The following MAPKAPK2 variants were observed in gnomAD, a reference collection of about 807,000 sequenced individuals.
The protein encoded by MAPKAPK2 is MAP kinase-activated protein kinase 2.
In MAPKAPK2, 9 loss-of-function variants were observed where a neutral mutation model predicts 48.8. The observed-to-expected ratio is 0.18, with a 90% CI of 0.11 to 0.32. The LOEUF (loss-of-function observed/expected upper bound fraction) is 0.32. Among genes scored for constraint, MAPKAPK2 ranks in the 10% least tolerant of loss-of-function variants. MAPKAPK2 has a pLI of 1.00. For synonymous variants in MAPKAPK2, 202 were observed against 190.6 expected (o/e 1.06, Z -0.49); for missense variants, 331 against 498.3 (o/e 0.66, Z 3.20).
chr1:206,732,295 G>C lies in MAPKAPK2; in HGVS notation c.1060-280G>C. 1 of 1,448,142 alleles carries C rather than the reference G, an allele frequency of 6.9e-7. No homozygotes were observed. The highest frequency in any genetic ancestry group is 1.5e-5 in the South Asian group (1 of 67,576). The allele number at this position is 1,448,142 out of a possible 1,614,324, so 89.7% of individuals were successfully genotyped here. ...GGGGCAGACCGGACCCAGGTTTCCT[G>C]ACTCCTGGCCCAAGTCTCTTCCTCC... is the stretch of plus-strand genomic sequence containing the variant. On this transcript the variant is annotated intron_variant, in intron 9 of 9. Coordinates refer to ENST00000367103, the MANE Select transcript of MAPKAPK2 (RefSeq NM_032960.4). The surrounding 1 kb of genome is among the most constrained non-coding windows in gnomAD (Gnocchi z 4.4).
At chr1:206,713,519 A>G (rs1400714363) in intron 1 of MAPKAPK2, among the ~76,000 whole-genome samples, 1 of 152,190 alleles carries the variant, frequency 6.6e-6, no homozygotes, top group East Asian at 1.9e-4. Context: ...TCAGCATGTG[A>G]CCCAAGATGT....
chr1:206,729,966 C>G lies in MAPKAPK2; in HGVS notation c.565-6C>G, dbSNP rs1673847596. On this transcript the variant is annotated splice_region_variant and splice_polypyrimidine_tract_variant and intron_variant, in intron 4 of 9. Transcript: ENST00000367103. ...GGTTGCTATTTTTCTGTCTCTCTTT[C>G]TGTAGCCTGAGAATCTCTTATACAC... The G allele has an allele frequency of 1.2e-6, 2 of 1,614,114 alleles. No individual in the cohort carries two copies. Among genetic ancestry groups the G allele is most frequent in the Admixed American group, 3.3e-5 (2 of 60,012 alleles).
intron 1 of MAPKAPK2, among the ~76,000 whole-genome samples, chr1:206,721,356 ATTTC>A (rs1220893001): frequency 6.6e-6 from 1 of 152,198 alleles, no homozygotes; most frequent in Non-Finnish European, 1.5e-5. Context: ...AGTCTCAGGT[ATTTC>A]TTAATAGCAA....
intron 5 of MAPKAPK2, 100 bp from the exon 6 acceptor site, chr1:206,730,588 T>G: frequency 9.7e-7 from 1 of 1,028,048 alleles, no homozygotes; most frequent in South Asian, 1.3e-5. Context: ...CACCTCATGA[T>G]AGGCTGAAAG....
At chr1:206,717,648 C>T (rs1553430570) in intron 1 of MAPKAPK2, among the ~76,000 whole-genome samples, 1 of 152,188 alleles carries the variant, frequency 6.6e-6, no homozygotes, top group Non-Finnish European at 1.5e-5. Flanking sequence ...TCTCTTCCTC[C>T]TGTGGCCAGT....
At position 206,732,547 on chromosome 1, in the gene MAPKAPK2, A is replaced by G. The variant is rs1198113200; in HGVS notation, c.1060-28A>G. On this transcript the variant is annotated intron_variant, in intron 9 of 9. Transcript: ENST00000367103. This position sits in a 1 kb window ranked among gnomAD's most constrained non-coding sequence, Gnocchi z 4.4. ...CTACCTGTCTTCTGGCTCTCTCTGTACCCTTCCTGGTGCTGCCGTGCCCCC... is the reference window on the plus strand; with the variant it reads ...CTACCTGTCTTCTGGCTCTCTCTGTGCCCTTCCTGGTGCTGCCGTGCCCCC... 3 of 1,612,030 alleles carry G rather than the reference A, an allele frequency of 1.9e-6. No individual in the cohort carries two copies. The highest frequency in any genetic ancestry group is 2.5e-6 in the Non-Finnish European group (3 of 1,179,402).
rs145221925 is a variant in MAPKAPK2 at position 206,732,565 on chromosome 1, G to A, written c.1060-10G>A. The stretch of plus-strand genomic sequence containing the variant: ...TCTCTGTACCCTTCCTGGTGCTGCC[G>A]TGCCCCCAGGAGGAGATGACCAGTG... On this transcript the variant is annotated splice_polypyrimidine_tract_variant and intron_variant, in intron 9 of 9. Coordinates refer to ENST00000367103, the MANE Select transcript of MAPKAPK2 (RefSeq NM_032960.4). This position sits in a 1 kb window ranked among gnomAD's most constrained non-coding sequence, Gnocchi z 4.4. 3,240 of 1,613,448 alleles carry A rather than the reference G, an allele frequency of 2.0e-3. 36 individuals carry two copies. In the Middle Eastern group the frequency reaches 0.037, roughly 19 times the overall value.
intron 1 of MAPKAPK2, among the ~76,000 whole-genome samples, chr1:206,726,476 T>C (rs1237959876): frequency 6.6e-6 from 1 of 152,246 alleles, no homozygotes; most frequent in Non-Finnish European, 1.5e-5. Flanking sequence ...CAGTGTGACC[T>C]CCTGGGAACC....
chr1:206,708,963 T>A (rs1170632803), intron 1 of MAPKAPK2, among the ~76,000 whole-genome samples: 1 of 152,248 alleles, frequency 6.6e-6, no homozygotes, highest in East Asian at 1.9e-4. Flanking sequence ...TGTATAGATA[T>A]GATAAAATTT....
At chr1:206,729,769 C>G (rs1673839311) in intron 4 of MAPKAPK2, among the ~76,000 whole-genome samples, 1 of 152,260 alleles carries the variant, frequency 6.6e-6, no homozygotes. Flanking sequence ...GTGTGTCAGT[C>G]TGTTATCTCC....
intron 1 of MAPKAPK2, among the ~76,000 whole-genome samples, chr1:206,690,331 A>G (rs1302285122): frequency 1.3e-5 from 2 of 152,200 alleles, no homozygotes; most frequent in East Asian, 1.9e-4. Context: ...GCAAGATTGA[A>G]GCTGGGTCAG....
intron 1 of MAPKAPK2, among the ~76,000 whole-genome samples, chr1:206,702,722 C>T (rs1232462371): frequency 2.0e-5 from 3 of 152,214 alleles, no homozygotes; most frequent in South Asian, 2.1e-4. Context: ...AACTCCTGAA[C>T]GTGGCATTCA....
chr1:206,701,983 T>A (rs1275851295), intron 1 of MAPKAPK2, among the ~76,000 whole-genome samples: 1 of 152,046 alleles, frequency 6.6e-6, no homozygotes, highest in Non-Finnish European at 1.5e-5. Context: ...TGGGCACCAC[T>A]CTTTGTGTCT....
At position 206,732,798 on chromosome 1, in the gene MAPKAPK2, T is replaced by C; in HGVS notation, c.*80T>C. The C allele has an allele frequency of 6.8e-7, 1 of 1,474,470 alleles. No homozygotes were observed. Among genetic ancestry groups the C allele is most frequent in the Middle Eastern group, 1.8e-4 (1 of 5,480 alleles). The allele number at this position is 1,474,470 out of a possible 1,614,324, so 91.3% of individuals were successfully genotyped here. ...TATTTTTTAAACGAAGAGACAGAAC[T>C]GTCCACATCTGCCTCCTCTCCTCCT... On this transcript the variant is annotated 3_prime_UTR_variant, in exon 10 of 10. Transcript: ENST00000367103. This position sits in a 1 kb window ranked among gnomAD's most constrained non-coding sequence, Gnocchi z 4.4.
In MAPKAPK2 at chr1:206,730,083, A is replaced by C; in HGVS notation, c.676A>C (p.Thr226Pro). 1 of 1,614,218 alleles carries C rather than the reference A, an allele frequency of 6.2e-7. No individual in the cohort carries two copies. ...SHNSLTTPCY[T>P]PYYVAPEVLG... is the part of the protein sequence containing the mutation. ...CAACTCTTTGACCACTCCTTGTTAT[A>C]CACCGTACTATGTGGGTAAGTCCAC... The change falls in exon 5 of 10, where the codon ACA becomes CCA. Residue 226 changes from threonine to proline, a missense_variant. This residue lies in a region of MAPKAPK2 where 111 missense variants were observed against 193.6 expected (regional missense o/e 0.57). Transcript: ENST00000367103.
intron 3 of MAPKAPK2, 113 bp downstream of exon 3, chr1:206,729,212 C>A: frequency 8.1e-7 from 1 of 1,237,404 alleles, no homozygotes; most frequent in Non-Finnish European, 1.2e-6. Flanking sequence ...CTGCCCCCTC[C>A]AGCATGCTGC....
chr1:206,696,131 GA>G (rs1213588920), intron 1 of MAPKAPK2: 1 of 1,546,276 alleles, frequency 6.5e-7, no homozygotes, highest in African/African-American at 1.4e-5. Context: ...TTGCCAGAAA[GA>G]TCAGTGACAT....
At chr1:206,722,901 G>A (rs938673031) in intron 1 of MAPKAPK2, among the ~76,000 whole-genome samples, 1 of 152,132 alleles carries the variant, frequency 6.6e-6, no homozygotes, top group Non-Finnish European at 1.5e-5. Flanking sequence ...GAACCAGAGT[G>A]GGTGGCCCTG....
rs1416181828 is a variant in MAPKAPK2, at chr1:206,704,019, G to C, written c.279+18511G>C. Among the ~76,000 whole-genome samples, 1 of 152,202 alleles carries C rather than the reference G, an allele frequency of 6.6e-6. No homozygotes were observed. The highest frequency in any genetic ancestry group is 1.5e-5 in the Non-Finnish European group (1 of 68,026). ...GAAGTCAGTGGGAGACACCCTTTCA[G>C]GGTCTGCTTCATTATGAATGAAGCA... On this transcript the variant is annotated intron_variant, in intron 1 of 9. Transcript: ENST00000367103. The surrounding 1 kb of genome is among the most constrained non-coding windows in gnomAD (Gnocchi z 4.3).
Sources: gnomAD v4.1 joint callset for allele counts (sites outside exome capture counted in the v4.1 genomes callset) on GRCh38, gnomAD v4.1.1 for gene constraint, gnomAD v4.1.1 regional missense constraint, Gnocchi (gnomAD v3.1) non-coding constraint, MANE v1.5 for transcripts, NCBI Gene and HGNC (gene_info 2026-07-23, HGNC 2026-07-21) for gene names.